PIK3CB: variants seen among roughly 807,000 people sequenced by gnomAD.
The protein encoded by PIK3CB is phosphatidylinositol 4,5-bisphosphate 3-kinase catalytic subunit beta isoform.
Under a neutral mutation model 136.8 loss-of-function variants are expected in PIK3CB, and 39 were observed. The observed-to-expected ratio is 0.29, with a 90% CI of 0.22 to 0.37. PIK3CB has a LOEUF of 0.37. Among genes scored for constraint, PIK3CB ranks in the 10% least tolerant of loss-of-function variants. The pLI is 1.00. For synonymous variants in PIK3CB, 428 were observed against 436.6 expected (o/e 0.98, Z 0.25); for missense variants, 868 against 1,275.4 (o/e 0.68, Z 4.87).
Position 138,755,750 on chromosome 3 carries a change from T to C in PIK3CB, c.397+4A>G. ...TTGTACTTTTTTTTTATTTTTTAATTTACCTTTTCCTATAAGGACTCCAAT... is the reference window on the plus strand; with the variant it reads ...TTGTACTTTTTTTTTATTTTTTAATCTACCTTTTCCTATAAGGACTCCAAT... On this transcript the variant is annotated splice_donor_region_variant and intron_variant, in intron 4 of 23. Transcript: ENST00000674063. 7.2e-7 allele frequency: 1 copy of C among 1,394,106 alleles called. No homozygotes were observed. The highest frequency in any genetic ancestry group is 1.0e-6 in the Non-Finnish European group (1 of 994,322). 86.4% of individuals were successfully genotyped at this position (1,394,106 alleles called of 1,614,324 possible). A position where few individuals can be genotyped will look rare whatever the true frequency, so the allele number is the denominator to read the frequency against.
chr3:138,778,254 G>A (rs1244783322), intron 2 of PIK3CB: 14 of 414,182 alleles, frequency 3.4e-5, no homozygotes, highest in South Asian at 1.6e-4. Flanking sequence ...AAAACACCTC[G>A]CAATTCCCAG....
chr3:138,822,541 TAAAAG>T (rs1158291227), intron 1 of PIK3CB, among the ~76,000 whole-genome samples: 6 of 150,070 alleles, frequency 4.0e-5, no homozygotes, highest in African/African-American at 1.5e-4. Flanking sequence ...GTCTCAAAAA[TAAAAG>T]AAAAAGAAAA....
intron 2 of PIK3CB, among the ~76,000 whole-genome samples, chr3:138,774,501 A>G (rs1231798992): frequency 6.6e-6 from 1 of 152,222 alleles, no homozygotes; most frequent in Admixed American, 6.5e-5. Context: ...CCAATAGACT[A>G]ACTGAGGTGG....
At chr3:138,747,965 A>G (rs2045394772) in intron 4 of PIK3CB, among the ~76,000 whole-genome samples, 1 of 152,232 alleles carries the variant, frequency 6.6e-6, no homozygotes, top group African/African-American at 2.4e-5. Context: ...ATCTAAAAGA[A>G]TGAATCAACA....
intron 8 of PIK3CB, among the ~76,000 whole-genome samples, chr3:138,716,378 T>C (rs546251627): frequency 6.6e-6 from 1 of 152,154 alleles, no homozygotes; most frequent in African/African-American, 2.4e-5. Flanking sequence ...CAGATCAAAC[T>C]CAAACAAAAA....
intron 1 of PIK3CB, among the ~76,000 whole-genome samples, chr3:138,816,641 TA>T (rs1681201690): frequency 6.6e-6 from 1 of 151,386 alleles, no homozygotes; most frequent in African/African-American, 2.4e-5. Flanking sequence ...AATTAAAAAA[TA>T]AAAAATAGAA....
intron 14 of PIK3CB, among the ~76,000 whole-genome samples, chr3:138,693,966 T>TATAA (rs1457395869): frequency 7.1e-5 from 3 of 42,404 alleles, no homozygotes; most frequent in Non-Finnish European, 1.1e-4. Flanking sequence ...TATATATATA[T>TATAA]TATATATATA....
chr3:138,750,561 T>A (rs571858234), intron 4 of PIK3CB, among the ~76,000 whole-genome samples: 45 of 152,304 alleles, frequency 3.0e-4, no homozygotes, highest in African/African-American at 1.1e-3. Flanking sequence ...TCACCCAACC[T>A]GCTGCTCACC....
intron 1 of PIK3CB, among the ~76,000 whole-genome samples, chr3:138,810,888 C>G (rs1933006279): frequency 6.7e-6 from 1 of 150,342 alleles, no homozygotes; most frequent in South Asian, 2.1e-4. Context: ...CCACTGCACT[C>G]CAGCCTAGGC....
At chr3:138,760,637 T>C (rs767787088) in intron 2 of PIK3CB, among the ~76,000 whole-genome samples, 11 of 152,190 alleles carry the variant, frequency 7.2e-5, no homozygotes, top group Non-Finnish European at 1.5e-4. Flanking sequence ...CCGGGCACAG[T>C]GGCCCATGCC....
intron 9 of PIK3CB, 100 bp from the exon 10 acceptor site, chr3:138,712,404 CTGGA>C (rs1328210111): frequency 2.1e-6 from 1 of 486,818 alleles, no homozygotes; most frequent in Non-Finnish European, 3.6e-6. Flanking sequence ...CTAGAAAGTT[CTGGA>C]TGATTTCCAA....
intron 19 of PIK3CB, among the ~76,000 whole-genome samples, chr3:138,667,410 CAAAG>C (rs1559800571): frequency 6.6e-6 from 1 of 151,762 alleles, no homozygotes; most frequent in Non-Finnish European, 1.5e-5. Flanking sequence ...TTATGAGCGA[CAAAG>C]AGAGGCTGTG....
rs890431675 is a variant in PIK3CB, at chr3:138,657,674, C to A, written c.2942+16G>T. On this transcript the variant is annotated intron_variant, in intron 22 of 23. Coordinates refer to ENST00000674063, the MANE Select transcript of PIK3CB (RefSeq NM_006219.3). ...ATGTTAGAAGTGTTCAGCCTTGGCA[C>A]AAGGGCAGTACTCACCGGCCAAACT... 6.2e-7 allele frequency: 1 copy of A among 1,610,374 alleles called. No homozygotes were observed. The highest frequency in any genetic ancestry group is 8.5e-7 in the Non-Finnish European group (1 of 1,177,582).
chr3:138,799,178 T>C (rs1055094723), intron 1 of PIK3CB, among the ~76,000 whole-genome samples: 3 of 144,234 alleles, frequency 2.1e-5, no homozygotes, highest in African/African-American at 5.1e-5. Flanking sequence ...AAATCTTACT[T>C]TTTTTTTTTT....
At chr3:138,733,306 T>G in intron 8 of PIK3CB, 55 bp downstream of exon 8, 53 of 744,544 alleles carry the variant, frequency 7.1e-5, no homozygotes, top group Non-Finnish European at 1.2e-4. Flanking sequence ...AGCATATCAG[T>G]GAGTTATTCA....
intron 10 of PIK3CB, among the ~76,000 whole-genome samples, chr3:138,711,691 G>A (rs1010618033): frequency 4.0e-5 from 6 of 150,746 alleles, no homozygotes; most frequent in Admixed American, 4.0e-4. Flanking sequence ...TAAAAGTTAT[G>A]TCCCATAGCG....
chr3:138,785,037 G>T (rs958343829), intron 2 of PIK3CB, among the ~76,000 whole-genome samples: 1 of 152,084 alleles, frequency 6.6e-6, no homozygotes, highest in African/African-American at 2.4e-5. Context: ...CCTCCGCCCC[G>T]CAGCCGCCCC....
At chr3:138,799,658 T>C (rs2046150155) in intron 1 of PIK3CB, among the ~76,000 whole-genome samples, 1 of 151,936 alleles carries the variant, frequency 6.6e-6, no homozygotes, top group Non-Finnish European at 1.5e-5. Flanking sequence ...ACTAACCTCA[T>C]CTTTTTTCTT....
chr3:138,726,639 C>T (rs2044843435), intron 8 of PIK3CB, among the ~76,000 whole-genome samples: 1 of 152,140 alleles, frequency 6.6e-6, no homozygotes, highest in Non-Finnish European at 1.5e-5. Flanking sequence ...ACCCCTTTCC[C>T]ACTAGAGCTA....
Sources: gnomAD v4.1 joint callset for allele counts (sites outside exome capture counted in the v4.1 genomes callset) on GRCh38, gnomAD v4.1.1 for gene constraint, MANE v1.5 for transcripts, NCBI Gene and HGNC (gene_info 2026-07-23, HGNC 2026-07-21) for gene names.